ST6GALNAC3: variants seen among roughly 807,000 people sequenced by gnomAD.
The protein encoded by ST6GALNAC3 is alpha-N-acetylgalactosaminide alpha-2,6-sialyltransferase 3.
In ST6GALNAC3, 25 loss-of-function variants were observed where a neutral mutation model predicts 32.7. That is an observed-to-expected ratio of 0.76 (90% CI 0.56 to 1.07). The LOEUF (loss-of-function observed/expected upper bound fraction) is 1.07. Ranked by LOEUF, ST6GALNAC3 falls within the 50% of genes least tolerant of loss-of-function variation. The pLI is 0.00. For synonymous variants in ST6GALNAC3, 129 were observed against 133.1 expected, an observed-to-expected ratio of 0.97 and a Z score of 0.21; for missense variants, 355 against 382.4, an observed-to-expected ratio of 0.93 and a Z score of 0.60.
intron 1 of ST6GALNAC3, among the ~76,000 whole-genome samples, chr1:76,141,395 T>A (rs1650311297): frequency 6.6e-6 from 1 of 152,204 alleles, no homozygotes; most frequent in Admixed American, 6.5e-5. Flanking sequence ...GAGAGTCTAA[T>A]ATTCTTCCAG....
intron 2 of ST6GALNAC3, among the ~76,000 whole-genome samples, chr1:76,408,333 C>T (rs1381467234): frequency 6.6e-6 from 1 of 152,060 alleles, no homozygotes; most frequent in Admixed American, 6.6e-5. Context: ...GAAGTACAAA[C>T]GTCTCTTAAG....
chr1:76,634,942 G>A (rs572058190), downstream of ST6GALNAC3, among the ~76,000 whole-genome samples: 2 of 42,126 alleles, frequency 4.7e-5, no homozygotes, highest in South Asian at 1.1e-3. Flanking sequence ...CTCGTGATCC[G>A]CCCGCCTCGG....
intron 2 of ST6GALNAC3, chr1:76,353,877 ACCCCAG>A (rs2101029858): frequency 6.5e-6 from 1 of 154,726 alleles, no homozygotes; most frequent in East Asian, 1.9e-4. Context: ...TACCTTCAGA[ACCCCAG>A]CCTACTCCCC....
intron 1 of ST6GALNAC3, among the ~76,000 whole-genome samples, chr1:76,250,030 C>T (rs1657522697): frequency 6.6e-6 from 1 of 152,040 alleles, no homozygotes; most frequent in Admixed American, 6.6e-5. Context: ...GATTTGCAAG[C>T]ATTTTCTTCC....
intron 3 of ST6GALNAC3, among the ~76,000 whole-genome samples, chr1:76,488,435 C>T (rs1660276578): frequency 6.6e-6 from 1 of 152,146 alleles, no homozygotes. Flanking sequence ...CCGATTAAAA[C>T]ACTTCTCTTT....
chr1:76,452,002 C>T (rs1351782686), intron 3 of ST6GALNAC3, among the ~76,000 whole-genome samples: 1 of 152,072 alleles, frequency 6.6e-6, no homozygotes, highest in Non-Finnish European at 1.5e-5. Context: ...TTACACTTTT[C>T]AAGGGAAATG....
At chr1:76,081,785 G>T (rs1419126144) in intron 1 of ST6GALNAC3, among the ~76,000 whole-genome samples, 1 of 152,074 alleles carries the variant, frequency 6.6e-6, no homozygotes, top group Non-Finnish European at 1.5e-5. Context: ...AGAGACACTA[G>T]CATTTTGGTA....
At chr1:76,197,120 A>T (rs1654249705) in intron 1 of ST6GALNAC3, among the ~76,000 whole-genome samples, 1 of 152,208 alleles carries the variant, frequency 6.6e-6, no homozygotes, top group South Asian at 2.1e-4. Context: ...ACTGGCTCTA[A>T]GCTCCCTGAC....
chr1:76,443,519 A>G (rs1656762152), intron 3 of ST6GALNAC3, among the ~76,000 whole-genome samples: 1 of 152,350 alleles, frequency 6.6e-6, no homozygotes, highest in Middle Eastern at 3.4e-3. Flanking sequence ...ATGCTATTGC[A>G]GGGTCCAAGG....
chr1:76,376,178 CAA>C (rs1651212478), intron 2 of ST6GALNAC3, among the ~76,000 whole-genome samples: 1 of 151,200 alleles, frequency 6.6e-6, no homozygotes. Context: ...AGAAATAATA[CAA>C]AGAGATCCCA....
chr1:76,396,968 G>A (rs1270815454), intron 2 of ST6GALNAC3, among the ~76,000 whole-genome samples: 2 of 152,134 alleles, frequency 1.3e-5, no homozygotes, highest in African/African-American at 2.4e-5. Context: ...TTATAGGGAC[G>A]AAGCATTTTA....
chr1:76,339,747 A>G (rs1218022778), intron 2 of ST6GALNAC3, among the ~76,000 whole-genome samples: 4 of 152,014 alleles, frequency 2.6e-5, no homozygotes, highest in Non-Finnish European at 5.9e-5. Context: ...AGACCAAGCA[A>G]CTCCTCTAAT....
intron 3 of ST6GALNAC3, among the ~76,000 whole-genome samples, chr1:76,499,978 G>A (rs1661084039): frequency 6.6e-6 from 1 of 151,910 alleles, no homozygotes; most frequent in South Asian, 2.1e-4. Flanking sequence ...CTTCCATTAT[G>A]CTCTAATAGA....
intron 1 of ST6GALNAC3, among the ~76,000 whole-genome samples, chr1:76,157,652 T>C (rs1281056322): frequency 6.6e-6 from 1 of 152,160 alleles, no homozygotes; most frequent in African/African-American, 2.4e-5. Context: ...GCCTAAATGA[T>C]TTTTTTAAAG....
chr1:76,194,480 AT>A (rs1266712835), intron 1 of ST6GALNAC3, among the ~76,000 whole-genome samples: 2 of 150,698 alleles, frequency 1.3e-5, no homozygotes, highest in Admixed American at 6.6e-5. Context: ...TATTTAATTT[AT>A]TTCAAAGTAA....
chr1:76,307,536 A>C (rs1307881552), intron 1 of ST6GALNAC3, among the ~76,000 whole-genome samples: 1 of 152,160 alleles, frequency 6.6e-6, no homozygotes, highest in East Asian at 1.9e-4. Flanking sequence ...CTGAGCACTG[A>C]TACACATAAC....
intron 2 of ST6GALNAC3, among the ~76,000 whole-genome samples, chr1:76,332,986 C>T (rs17098772): frequency 0.016 from 2,477 of 152,168 alleles, 67 homozygotes; most frequent in African/African-American, 0.057. Context: ...CACTTTTGTG[C>T]AGAGCTCCTC....
chr1:76,132,063 A>G (rs1649644470), intron 1 of ST6GALNAC3, among the ~76,000 whole-genome samples: 1 of 152,168 alleles, frequency 6.6e-6, no homozygotes, highest in African/African-American at 2.4e-5. Context: ...GGGGCTTGGT[A>G]TAATAATCAC....
intron 3 of ST6GALNAC3, among the ~76,000 whole-genome samples, chr1:76,494,649 G>GCGCGCACA (rs142496688): frequency 4.4e-5 from 3 of 67,702 alleles, no homozygotes; most frequent in African/African-American, 1.9e-4. Flanking sequence ...ATGTGTATGC[G>GCGCGCACA]CACACACACA....
Sources: allele counts gnomAD v4.1 joint callset (sites outside exome capture counted in the v4.1 genomes callset), GRCh38; gene constraint gnomAD v4.1.1; transcripts MANE v1.5; gene names NCBI Gene and HGNC (gene_info 2026-07-23, HGNC 2026-07-21).